WDFY4: variants seen among roughly 807,000 people sequenced by gnomAD.
WDFY4 encodes WD repeat- and FYVE domain-containing protein 4.
In WDFY4, 169 loss-of-function variants were observed where a neutral mutation model predicts 351.9. The observed-to-expected ratio is 0.48, with a 90% CI of 0.42 to 0.55. WDFY4 has a LOEUF of 0.55. Ranked by LOEUF, WDFY4 falls within the 20% of genes least tolerant of loss-of-function variation. WDFY4 has a pLI of 0.00. For missense variants in WDFY4, 3,803 were observed against 3,935.6 expected (o/e 0.97, Z 0.90); for synonymous variants, 1,622 against 1,574.6 (o/e 1.03, Z -0.71).
chr10:48,724,714 G>A (rs2064207328), intron 5 of WDFY4, among the ~76,000 whole-genome samples: 1 of 152,146 alleles, frequency 6.6e-6, no homozygotes, highest in Admixed American at 6.5e-5. Context: ...CTCTATGGCA[G>A]ACAGATGGTT....
intron 47 of WDFY4, among the ~76,000 whole-genome samples, chr10:48,938,199 A>T (rs1224954251): frequency 6.6e-6 from 1 of 152,264 alleles, no homozygotes; most frequent in East Asian, 1.9e-4. Context: ...GCAAATAGGC[A>T]ACACAACATG....
rs2066417409 is a variant in WDFY4, at chr10:48,786,731, C to G, written c.3669C>G (p.Val1223=). The G allele has an allele frequency of 6.4e-7, 1 of 1,552,320 alleles. No individual in the cohort carries two copies. Among genetic ancestry groups the G allele is most frequent in the Non-Finnish European group, 8.7e-7 (1 of 1,147,140 alleles). ...ATGGATATATTGCTACTCCTCGAGT[C>G]TGGAAACAAAAGTCTTCATTAATCT... ...DVYGYIATPR[V]WKQKSSLIWR... is the part of the protein sequence containing the mutation. The change falls in exon 20 of 62, where the codon GTC becomes GTG. Residue 1223 remains valine (V), a synonymous_variant. Transcript: ENST00000325239.
intron 39 of WDFY4, among the ~76,000 whole-genome samples, chr10:48,845,301 C>T (rs1256031111): frequency 6.6e-6 from 1 of 152,200 alleles, no homozygotes; most frequent in Admixed American, 6.5e-5. Context: ...ACCCCTGTCC[C>T]CACACTGAGA....
intron 33 of WDFY4, 138 bp downstream of exon 33, chr10:48,820,575 C>T: frequency 1.1e-6 from 1 of 931,274 alleles, no homozygotes; most frequent in Non-Finnish European, 1.6e-6. Flanking sequence ...AACCATGGGC[C>T]CCAAAAAAGC....
chr10:48,810,393 A>G (rs2067406684), intron 28 of WDFY4, 137 bp from the exon 29 acceptor site: 2 of 742,502 alleles, frequency 2.7e-6, no homozygotes, highest in South Asian at 4.0e-5. Context: ...ATTCTTTTTA[A>G]ATGTAATACA....
intron 47 of WDFY4, chr10:48,914,094 C>A (rs761081688): frequency 1.2e-6 from 2 of 1,614,212 alleles, no homozygotes; most frequent in East Asian, 4.5e-5. Flanking sequence ...GATTTTGATG[C>A]AATTCCTGGC....
intron 29 of WDFY4, 62 bp from the exon 30 acceptor site, chr10:48,811,477 G>A (rs1242800051): frequency 4.1e-6 from 6 of 1,480,744 alleles, no homozygotes; most frequent in Non-Finnish European, 5.5e-6. Flanking sequence ...GTGTGTCCAG[G>A]CCCCACCTTG....
chr10:48,777,036 C>A, intron 16 of WDFY4, 52 bp downstream of exon 16: 1 of 1,498,706 alleles, frequency 6.7e-7, no homozygotes, highest in Non-Finnish European at 9.0e-7. Context: ...TTTGCAGTGC[C>A]TCTGATGAAT....
Position 48,709,027 on chromosome 10 carries a change from C to T in WDFY4, c.-17-689C>T, listed in dbSNP as rs563262827. Among the ~76,000 whole-genome samples the T allele has an allele frequency of 2.7e-5, 4 of 148,322 alleles. No homozygotes were observed. The East Asian group carries it at 8.0e-4, about 30-fold the overall frequency. On this transcript the variant is annotated intron_variant, in intron 1 of 61. Coordinates refer to ENST00000325239, the MANE Select transcript of WDFY4 (RefSeq NM_001394531.1). ...ACAACACCCCCCCCCCCCAAACAGG[C>T]TTTAGTGTGAAAGTTTGCATTTCAA...
intron 1 of WDFY4, among the ~76,000 whole-genome samples, chr10:48,691,153 A>G (rs1030899243): frequency 6.6e-5 from 10 of 152,044 alleles, no homozygotes; most frequent in African/African-American, 2.2e-4. Context: ...GGCAACATCA[A>G]CAGGAGCTCC....
chr10:48,834,764 C>A (rs1338918503), intron 39 of WDFY4, among the ~76,000 whole-genome samples: 1 of 152,216 alleles, frequency 6.6e-6, no homozygotes, highest in Admixed American at 6.5e-5. Context: ...CTCATGGGAA[C>A]CCTCACACCT....
At chr10:48,689,918 G>A (rs776993472) in intron 1 of WDFY4, among the ~76,000 whole-genome samples, 13 of 152,202 alleles carry the variant, frequency 8.5e-5, no homozygotes, top group African/African-American at 1.2e-4. Flanking sequence ...AGAGATGTAA[G>A]GTTCTTTGCC....
At chr10:48,846,031 T>C (rs914199126) in intron 39 of WDFY4, among the ~76,000 whole-genome samples, 1 of 152,200 alleles carries the variant, frequency 6.6e-6, no homozygotes, top group Non-Finnish European at 1.5e-5. Flanking sequence ...TGCCCCATCC[T>C]GCCATCATGT....
chr10:48,784,230 G>A (rs2066319518), intron 19 of WDFY4, among the ~76,000 whole-genome samples: 1 of 152,134 alleles, frequency 6.6e-6, no homozygotes, highest in South Asian at 2.1e-4. Flanking sequence ...TGGTTTCTAT[G>A]GTAATTGAAT....
chr10:48,982,480 C>T (rs1168718779), intron 61 of WDFY4, 29 bp from the exon 62 acceptor site: 3 of 1,481,272 alleles, frequency 2.0e-6, no homozygotes, highest in East Asian at 2.5e-5. Context: ...GTCCCTCTAA[C>T]GTTCTTGTCT....
chr10:48,973,645 C>T (rs1186309762), intron 57 of WDFY4, among the ~76,000 whole-genome samples: 1 of 152,236 alleles, frequency 6.6e-6, no homozygotes, highest in African/African-American at 2.4e-5. Context: ...CAGAGGACCT[C>T]AGATCAGAGC....
chr10:48,791,793 G>T (rs1194996650), intron 23 of WDFY4, among the ~76,000 whole-genome samples: 1 of 152,162 alleles, frequency 6.6e-6, no homozygotes, highest in African/African-American at 2.4e-5. Flanking sequence ...AAAGCCTCCT[G>T]TGTCTCTCGC....
chr10:48,877,243 T>C lies in WDFY4; in HGVS notation c.7167+44T>C, dbSNP rs145052867. ...ATAGCCTTTAAGATTTTTAAGTTAG[T>C]TGTTAAGATTGTCAGACAGGAGAAA... On this transcript the variant is annotated intron_variant, in intron 43 of 61. Transcript: ENST00000325239. 600 of 1,516,982 alleles carry C rather than the reference T, an allele frequency of 4.0e-4. 2 individuals are homozygous for C. In the African/African-American group the frequency reaches 7.1e-3, roughly 18 times the overall value. The allele number at this position is 1,516,982 out of a possible 1,614,324, so 94.0% of individuals were successfully genotyped here.
rs371151010 is a variant in WDFY4 at position 48,760,415 on chromosome 10, G to A, written c.2528G>A (p.Arg843Gln). 72 of 1,551,592 alleles carry A rather than the reference G, an allele frequency of 4.6e-5. 1 individual carries two copies. The Middle Eastern group carries it at 1.0e-3, about 22-fold the overall frequency. The change falls in exon 13 of 62, where the codon CGG (arginine) becomes CAG (glutamine). Residue 843 changes from arginine to glutamine, a missense_variant. Arg to Gln is a conservative substitution (Grantham distance 43). Coordinates refer to ENST00000325239, the MANE Select transcript of WDFY4 (RefSeq NM_001394531.1). Reference protein sequence around the residue: ...VVCIMVRLLPRLYHEDHPQLS... With the variant: ...VVCIMVRLLPQLYHEDHPQLS... ...TGCATCATGGTGAGGCTGCTGCCTC[G>A]GTTGTACCATGAAGATCACCCACAG...
Sources: gnomAD v4.1 joint callset for allele counts (sites outside exome capture counted in the v4.1 genomes callset) on GRCh38, gnomAD v4.1.1 for gene constraint, MANE v1.5 for transcripts, NCBI Gene and HGNC (gene_info 2026-07-23, HGNC 2026-07-21) for gene names.